AKT3: variants seen among roughly 807,000 people sequenced by gnomAD.
AKT3 encodes AKT serine/threonine kinase 3, also known as RAC-gamma serine/threonine-protein kinase.
In AKT3, 15 loss-of-function variants were observed where a neutral mutation model predicts 65.3. That is an observed-to-expected ratio of 0.23 (90% CI 0.15 to 0.35). The LOEUF is 0.35. AKT3 is among the 10% of genes least tolerant of loss of function. The pLI, the probability that AKT3 is intolerant of heterozygous loss-of-function variation, is 1.00. For missense variants in AKT3, 243 were observed against 576.5 expected, an observed-to-expected ratio of 0.42 and a Z score of 5.92; for synonymous variants, 206 against 183.8, an observed-to-expected ratio of 1.12 and a Z score of -0.98.
chr1:243,563,916 A>G, intron 9 of AKT3, 68 bp from the exon 10 acceptor site: 1 of 1,464,936 alleles, frequency 6.8e-7, no homozygotes, highest in South Asian at 1.4e-5. Context: ...CCATTTTAAA[A>G]AACTACTGAA....
chr1:243,548,053 C>T (rs1317431482), intron 11 of AKT3: 1 of 152,194 alleles, frequency 6.6e-6, no homozygotes, highest in Non-Finnish European at 1.5e-5. Flanking sequence ...CTGCAAACTC[C>T]TTTGAAGGCA....
chr1:243,581,001 G>T (rs1165124944), intron 8 of AKT3, among the ~76,000 whole-genome samples: 2 of 152,072 alleles, frequency 1.3e-5, no homozygotes, highest in Non-Finnish European at 2.9e-5. Flanking sequence ...TAGTGCAGGG[G>T]GTCTCTGCTC....
At chr1:243,808,010 T>A (rs1305351333) in intron 2 of AKT3, 2 of 151,896 alleles carry the variant, frequency 1.3e-5, no homozygotes, top group Admixed American at 1.3e-4. Context: ...TAGAAAGACA[T>A]CCACACCAAA....
chr1:243,817,472 G>T (rs917747513), intron 2 of AKT3, among the ~76,000 whole-genome samples: 1 of 152,238 alleles, frequency 6.6e-6, no homozygotes, highest in Non-Finnish European at 1.5e-5. Context: ...CAGGCGTGGT[G>T]GCTCACGCCT....
intron 12 of AKT3, among the ~76,000 whole-genome samples, chr1:243,520,504 C>T (rs112646341): frequency 0.022 from 3,354 of 152,316 alleles, 47 homozygotes; most frequent in Middle Eastern, 0.054. Context: ...CTAACCACAT[C>T]TCTCAAAACA....
chr1:243,593,337 G>A (rs575056008), intron 8 of AKT3, among the ~76,000 whole-genome samples: 1 of 152,270 alleles, frequency 6.6e-6, no homozygotes, highest in African/African-American at 2.4e-5. Flanking sequence ...CTAAAAGATG[G>A]TTAATCTCAA....
rs1034730793 is a variant in AKT3 at position 243,772,052 on chromosome 1, A to C, written c.46+71073T>G. On this transcript the variant is annotated intron_variant, in intron 2 of 13. Transcript: ENST00000673466. ...CAAAAATTAATTCAAGATGGATTAAAGACTTAAATGTTAGACCTAAAACCA... is the reference window on the plus strand; with the variant it reads ...CAAAAATTAATTCAAGATGGATTAACGACTTAAATGTTAGACCTAAAACCA... Among the ~76,000 whole-genome samples, 137 of 152,250 alleles carry C rather than the reference A, an allele frequency of 9.0e-4. 1 individual carries two copies. Among genetic ancestry groups the C allele is most frequent in the Non-Finnish European group, 1.2e-4 (8 of 68,056 alleles).
Position 243,784,320 on chromosome 1 carries a change from AG to A in AKT3, c.46+58804del, listed in dbSNP as rs1440026626. 5.3e-5 allele frequency among the ~76,000 whole-genome samples: 8 copies of A among 152,096 alleles called. No individual in the cohort carries two copies. In the East Asian group the frequency reaches 1.5e-3, roughly 29 times the overall value. On this transcript the variant is annotated intron_variant, in intron 2 of 13. Coordinates refer to ENST00000673466, the MANE Select transcript of AKT3 (RefSeq NM_005465.7). ...GAAAGTGCCTAGACTGCAGGGAATGAGGGGGTGAGTATGAGACAAGATTAAA... is the reference window on the plus strand; with the variant it reads ...GAAAGTGCCTAGACTGCAGGGAATGAGGGGTGAGTATGAGACAAGATTAAA...
At chr1:243,851,058 C>G (rs1695768867), upstream of AKT3, 1 of 152,488 alleles carries the variant, frequency 6.6e-6, no homozygotes, top group East Asian at 1.9e-4. Context: ...CCTGGAAGCC[C>G]ACGAAGTGGG....
intron 2 of AKT3, among the ~76,000 whole-genome samples, chr1:243,708,653 C>T (rs1685959867): frequency 6.6e-6 from 1 of 151,952 alleles, no homozygotes; most frequent in South Asian, 2.1e-4. Context: ...TCACTGAAGT[C>T]ATCCAAAATA....
intron 2 of AKT3, among the ~76,000 whole-genome samples, chr1:243,721,287 G>C (rs1295746758): frequency 6.6e-6 from 1 of 152,116 alleles, no homozygotes; most frequent in Non-Finnish European, 1.5e-5. Flanking sequence ...CCATACCTGG[G>C]AGGAAGAAAC....
chr1:243,668,532 C>T (rs1349924251), intron 3 of AKT3, among the ~76,000 whole-genome samples: 5 of 151,970 alleles, frequency 3.3e-5, no homozygotes, highest in Admixed American at 6.6e-5. Flanking sequence ...TGAAATAGCA[C>T]TCTGGGAAAA....
chr1:243,647,879 T>A (rs530834036), intron 4 of AKT3, among the ~76,000 whole-genome samples: 5 of 152,198 alleles, frequency 3.3e-5, no homozygotes, highest in African/African-American at 1.2e-4. Context: ...AAGTTGTAGA[T>A]CTTCTATATA....
At chr1:243,763,903 T>C (rs1485402262) in intron 2 of AKT3, among the ~76,000 whole-genome samples, 4 of 152,134 alleles carry the variant, frequency 2.6e-5, no homozygotes, top group African/African-American at 9.7e-5. Flanking sequence ...AAAAGACTTG[T>C]AAATGGACAG....
chr1:243,811,193 GAAAT>G (rs1329806800), intron 2 of AKT3, among the ~76,000 whole-genome samples: 1 of 152,152 alleles, frequency 6.6e-6, no homozygotes, highest in Non-Finnish European at 1.5e-5. Flanking sequence ...GCAGGAGAAA[GAAAT>G]AAAGGGTATT....
intron 12 of AKT3, among the ~76,000 whole-genome samples, chr1:243,533,899 A>C (rs1671725160): frequency 6.6e-6 from 1 of 152,178 alleles, no homozygotes; most frequent in Non-Finnish European, 1.5e-5. Context: ...CTGAGGCAGG[A>C]GAATAGTGTG....
intron 2 of AKT3, among the ~76,000 whole-genome samples, chr1:243,770,007 A>C (rs1690075052): frequency 6.6e-6 from 1 of 152,218 alleles, no homozygotes; most frequent in Non-Finnish European, 1.5e-5. Context: ...TAAGGAGTCC[A>C]AATTCATTCT....
At chr1:243,565,729 C>CT (rs1478864041) in intron 9 of AKT3, among the ~76,000 whole-genome samples, 1 of 152,126 alleles carries the variant, frequency 6.6e-6, no homozygotes, top group Admixed American at 6.6e-5. Flanking sequence ...TGGTTTCTCT[C>CT]TTTTTTCCAC....
intron 2 of AKT3, among the ~76,000 whole-genome samples, chr1:243,722,782 T>C (rs531825678): frequency 7.9e-5 from 12 of 152,284 alleles, no homozygotes; most frequent in African/African-American, 2.6e-4. Context: ...AAATATTATA[T>C]TAGACATGAG....
Sources: allele counts gnomAD v4.1 joint callset (sites outside exome capture counted in the v4.1 genomes callset), GRCh38; gene constraint gnomAD v4.1.1; transcripts MANE v1.5; gene names NCBI Gene and HGNC (gene_info 2026-07-23, HGNC 2026-07-21).